AKAP10: variants seen among roughly 807,000 people sequenced by gnomAD.
The protein encoded by AKAP10 is A-kinase anchor protein 10, mitochondrial.
In AKAP10, 24 loss-of-function variants were observed where a neutral mutation model predicts 80.8. The observed-to-expected ratio is 0.30, with a 90% CI of 0.22 to 0.42. The LOEUF (loss-of-function observed/expected upper bound fraction) is 0.42, where lower values mean the gene tolerates loss of function less well. Ranked by LOEUF, AKAP10 falls within the 10% of genes least tolerant of loss-of-function variation. The pLI, the probability that AKAP10 is intolerant of heterozygous loss-of-function variation, is 1.00. For missense variants in AKAP10, 661 were observed against 794.9 expected, an observed-to-expected ratio of 0.83 and a Z score of 2.03; for synonymous variants, 291 against 277.7, an observed-to-expected ratio of 1.05 and a Z score of -0.48.
chr17:19,961,161 G>GCGAAACC, intron 3 of AKAP10, among the ~76,000 whole-genome samples: 1 of 148,068 alleles, frequency 6.8e-6, no homozygotes, highest in Non-Finnish European at 1.5e-5. Flanking sequence ...GGGAAACATG[G>GCGAAACC]CGAAACCCCG....
intron 11 of AKAP10, among the ~76,000 whole-genome samples, chr17:19,922,912 CAAAACA>C (rs1161255845): frequency 6.6e-6 from 1 of 151,948 alleles, no homozygotes; most frequent in Non-Finnish European, 1.5e-5. Flanking sequence ...AAAACCAAAA[CAAAACA>C]AAAACATATA....
Position 19,939,699 on chromosome 17 carries a change from T to G in AKAP10, c.1322+14A>C, listed in dbSNP as rs753600116. The G allele has an allele frequency of 1.2e-6, 2 of 1,610,360 alleles. No individual in the cohort carries two copies. The highest frequency in any genetic ancestry group is 1.7e-6 in the Non-Finnish European group (2 of 1,178,952). On this transcript the variant is annotated intron_variant, in intron 8 of 14. Transcript: ENST00000225737. ...AATAAGTATCTGCTGAATCCATCTA[T>G]CAATATAACTCACTTGTCATATAAA...
At chr17:19,920,872 AAAAAAAAAAAAAAG>A (rs2042804057) in intron 11 of AKAP10, among the ~76,000 whole-genome samples, 1 of 149,558 alleles carries the variant, frequency 6.7e-6, no homozygotes, top group African/African-American at 2.4e-5. Flanking sequence ...AAAAAAAAAA[AAAAAAAAAAAAAAG>A]CAAAAAATAC....
intron 12 of AKAP10, among the ~76,000 whole-genome samples, chr17:19,916,317 T>C (rs2152410272): frequency 6.6e-6 from 1 of 152,312 alleles, no homozygotes; most frequent in African/African-American, 2.4e-5. Context: ...CAATATAATG[T>C]AAGTTCCATG....
intron 8 of AKAP10, among the ~76,000 whole-genome samples, chr17:19,939,027 C>T (rs1056073165): frequency 2.6e-5 from 4 of 152,090 alleles, no homozygotes; most frequent in Non-Finnish European, 5.9e-5. Context: ...CCACCGTGCC[C>T]GACCACGAAT....
intron 12 of AKAP10, among the ~76,000 whole-genome samples, chr17:19,918,864 T>A (rs1242105481): frequency 6.6e-6 from 1 of 152,188 alleles, no homozygotes; most frequent in East Asian, 1.9e-4. Flanking sequence ...TTGACTAAAC[T>A]ACTCTTCTGA....
intron 8 of AKAP10, among the ~76,000 whole-genome samples, chr17:19,938,853 C>T (rs1222085244): frequency 6.6e-6 from 1 of 151,822 alleles, no homozygotes; most frequent in Non-Finnish European, 1.5e-5. Flanking sequence ...CTGCCTCAGG[C>T]CCCTAAGTAG....
chr17:19,951,216 G>A (rs371147880), intron 4 of AKAP10, among the ~76,000 whole-genome samples: 94 of 99,008 alleles, frequency 9.5e-4, no homozygotes, highest in African/African-American at 2.7e-3. Flanking sequence ...CAGCCGCCCC[G>A]TCCGGGAGGG....
At chr17:19,953,569 A>C (rs1444511021) in intron 4 of AKAP10, among the ~76,000 whole-genome samples, 1 of 152,222 alleles carries the variant, frequency 6.6e-6, no homozygotes, top group African/African-American at 2.4e-5. Flanking sequence ...TACAAACCCG[A>C]AATGCTATAA....
intron 11 of AKAP10, among the ~76,000 whole-genome samples, chr17:19,922,225 T>C (rs1199001039): frequency 6.6e-6 from 1 of 152,160 alleles, no homozygotes; most frequent in Non-Finnish European, 1.5e-5. Context: ...TCAAGTCGGT[T>C]AAAAGAAAAA....
intron 12 of AKAP10, among the ~76,000 whole-genome samples, chr17:19,914,748 A>G (rs538431793): frequency 1.3e-5 from 2 of 152,072 alleles, no homozygotes; most frequent in Non-Finnish European, 2.9e-5. Context: ...AAGAGATAAT[A>G]TTGAGATGAG....
intron 1 of AKAP10, among the ~76,000 whole-genome samples, chr17:19,972,617 G>A (rs548959277): frequency 2.9e-4 from 44 of 152,112 alleles, no homozygotes; most frequent in African/African-American, 1.0e-3. Flanking sequence ...CACCACGCCC[G>A]GCTAATGTTT....
intron 4 of AKAP10, among the ~76,000 whole-genome samples, chr17:19,953,277 A>C (rs1383862073): frequency 2.6e-5 from 4 of 152,094 alleles, no homozygotes; most frequent in Non-Finnish European, 5.9e-5. Flanking sequence ...GGAAATTTAC[A>C]GTATTAAATG....
rs1567765768 is a variant in AKAP10, at chr17:19,946,255, ATATATATATATATATATATATTTTTT to A, written c.976+1126_976+1151del. On this transcript the variant is annotated intron_variant, in intron 5 of 14. Transcript: ENST00000225737. ...ATATATATTATATATATATATATATATATATATATATATATATATATTTTTTTTTTTTTTTTTTTTTTTTGGCAGGG... is the reference window on the plus strand; with the variant it reads ...ATATATATTATATATATATATATATATTTTTTTTTTTTTTTTTTGGCAGGG... 5.6e-4 allele frequency among the ~76,000 whole-genome samples: 12 copies of A among 21,350 alleles called. 2 individuals are homozygous for A. Among genetic ancestry groups the A allele is most frequent in the African/African-American group, 2.2e-3 (11 of 5,116 alleles). 14.0% of individuals were successfully genotyped at this position (21,350 alleles called of 152,430 possible).
At chr17:19,975,454 C>T (rs1028075148) in intron 1 of AKAP10, among the ~76,000 whole-genome samples, 1 of 152,160 alleles carries the variant, frequency 6.6e-6, no homozygotes, top group African/African-American at 2.4e-5. Context: ...TGCCTCCTGG[C>T]CTTTGAACAT....
intron 9 of AKAP10, among the ~76,000 whole-genome samples, chr17:19,932,297 T>C (rs1278199407): frequency 1.3e-5 from 2 of 151,466 alleles, no homozygotes; most frequent in Non-Finnish European, 2.9e-5. Context: ...CTAAAAACTA[T>C]AAAAATTAGC....
intron 12 of AKAP10, among the ~76,000 whole-genome samples, chr17:19,910,971 C>T (rs1376275667): frequency 2.0e-5 from 3 of 152,204 alleles, no homozygotes; most frequent in African/African-American, 7.2e-5. Context: ...ATAATTTGAA[C>T]ATGCTCACTT....
intron 2 of AKAP10, among the ~76,000 whole-genome samples, chr17:19,967,170 A>C (rs2043430663): frequency 6.6e-6 from 1 of 152,226 alleles, no homozygotes; most frequent in Non-Finnish European, 1.5e-5. Flanking sequence ...TGTAATGACT[A>C]TGGAAACAAT....
In AKAP10 at chr17:19,910,068, C is replaced by T; in HGVS notation, c.1835-90G>A. The T allele has an allele frequency of 3.0e-6, 4 of 1,312,678 alleles. No homozygotes were observed. The South Asian group carries it at 5.0e-5, about 16-fold the overall frequency. The allele number at this position is 1,312,678 out of a possible 1,614,324, so 81.3% of individuals were successfully genotyped here. On this transcript the variant is annotated intron_variant, in intron 12 of 14. Transcript: ENST00000225737. ...TTTGGCTGGCCATGGTGGTTCATGCCTGTAATTCCAGCACTTTGGGAGGCC... is the reference window on the plus strand; with the variant it reads ...TTTGGCTGGCCATGGTGGTTCATGCTTGTAATTCCAGCACTTTGGGAGGCC...
Sources: allele counts gnomAD v4.1 joint callset (sites outside exome capture counted in the v4.1 genomes callset), GRCh38; gene constraint gnomAD v4.1.1; transcripts MANE v1.5; gene names NCBI Gene and HGNC (gene_info 2026-07-23, HGNC 2026-07-21).